The following COL1A2 variants were observed in gnomAD, a reference collection of about 807,000 sequenced individuals.
The protein encoded by COL1A2 is collagen type I alpha 2 chain, also known as collagen alpha-2(I) chain.
Under a neutral mutation model 174.3 loss-of-function variants are expected in COL1A2, and 49 were observed. The observed-to-expected ratio is 0.28, with a 90% CI of 0.22 to 0.36. The LOEUF (loss-of-function observed/expected upper bound fraction) is 0.36, where lower values mean the gene tolerates loss of function less well. COL1A2 is among the 10% of genes least tolerant of loss of function. The probability of loss-of-function intolerance (pLI) is 1.00; values close to 1 mark genes in which losing one functional copy is unlikely to be tolerated. For missense variants in COL1A2, 1,438 were observed against 1,822.7 expected, an observed-to-expected ratio of 0.79 and a Z score of 3.84; for synonymous variants, 655 against 606.6, an observed-to-expected ratio of 1.08 and a Z score of -1.17.
At chr7:94,412,828 AG>A (rs1453683204) in intron 25 of COL1A2, 146 bp downstream of exon 25, 3 of 804,228 alleles carry the variant, frequency 3.7e-6, no homozygotes, top group Admixed American at 2.0e-5. Context: ...TCACATTAAA[AG>A]TTTACCTCTA....
chr7:94,395,685 C>T (rs1007014168), intron 1 of COL1A2: 2 of 179,692 alleles, frequency 1.1e-5, no homozygotes, highest in African/African-American at 4.8e-5. Flanking sequence ...GATGGAATCC[C>T]AATTAAAGCT....
intron 51 of COL1A2, 148 bp downstream of exon 51, chr7:94,429,578 TG>T: frequency 1.4e-6 from 1 of 730,506 alleles, no homozygotes; most frequent in Non-Finnish European, 2.2e-6. Flanking sequence ...ATTCAGTTTT[TG>T]TATGTATTTT....
At chr7:94,430,145 T>C in intron 51 of COL1A2, 102 bp from the exon 52 acceptor site, 1 of 1,180,568 alleles carries the variant, frequency 8.5e-7, no homozygotes, top group Non-Finnish European at 1.2e-6. Flanking sequence ...ATCTTCAGAA[T>C]GACACATGCC....
chr7:94,411,910 T>A (rs1234938342), intron 23 of COL1A2, among the ~76,000 whole-genome samples, 158 bp from the exon 24 acceptor site: 1 of 152,222 alleles, frequency 6.6e-6, no homozygotes, highest in Non-Finnish European at 1.5e-5. Context: ...AGAACTCTTT[T>A]CACACTTCCC....
chr7:94,421,164 A>G (rs1315669563), intron 38 of COL1A2, 102 bp downstream of exon 38: 2 of 1,193,520 alleles, frequency 1.7e-6, no homozygotes, highest in East Asian at 4.7e-5. Context: ...TACCATGAGG[A>G]AACTTTTGAG....
In COL1A2 at chr7:94,424,560, A is replaced by G. The variant is rs1035058907; in HGVS notation, c.2673+117A>G. 23 of 902,328 alleles carry G rather than the reference A, an allele frequency of 2.5e-5. No individual in the cohort carries two copies. The African/African-American group carries it at 3.5e-4, about 14-fold the overall frequency. 55.9% of individuals were successfully genotyped at this position (902,328 alleles called of 1,614,324 possible). ...TTCACTTAAGATTTTTATTCATGGC[A>G]TTTTCTTTATACAGATCACATGTCA... On this transcript the variant is annotated intron_variant, in intron 41 of 51. Coordinates refer to ENST00000297268, the MANE Select transcript of COL1A2 (RefSeq NM_000089.4).
chr7:94,408,038 C>A, intron 13 of COL1A2, 145 bp from the exon 14 acceptor site: 1 of 1,162,742 alleles, frequency 8.6e-7, no homozygotes, highest in Non-Finnish European at 1.3e-6. Flanking sequence ...AATTGAAATC[C>A]ACTACTGTTT....
intron 10 of COL1A2, 29 bp from the exon 11 acceptor site, chr7:94,405,644 A>T (rs372982791): frequency 4.5e-6 from 7 of 1,571,936 alleles, no homozygotes; most frequent in Non-Finnish European, 6.1e-6. Context: ...GTAAAACATT[A>T]TTCACCATCT....
At chr7:94,414,111 T>G in intron 28 of COL1A2, 111 bp from the exon 29 acceptor site, 2 of 1,324,216 alleles carry the variant, frequency 1.5e-6, no homozygotes, top group Non-Finnish European at 2.2e-6. Flanking sequence ...CTTAATAACA[T>G]ACAATCGTGC....
chr7:94,413,927 C>T lies in COL1A2; in HGVS notation c.1645C>T (p.Pro549Ser), dbSNP rs42524. The change falls in exon 28 of 52, where the codon CCT becomes TCT. Residue 549 changes from proline to serine, a missense_variant. Physicochemically the swap from Pro to Ser is moderately conservative, Grantham distance 74. Transcript: ENST00000297268. The part of the protein sequence containing the change: ...VQGGKGEQGP[P>S]GPPGFQGLPG... ...AGGTGGAAAAGGTGAACAGGGTCCC[C>T]CTGGTCCTCCAGGCTTCCAGGTAAG... 15 of 1,613,736 alleles carry T rather than the reference C, an allele frequency of 9.3e-6. No homozygotes were observed. In the East Asian group the frequency reaches 1.3e-4, roughly 14 times the overall value.
In COL1A2 at chr7:94,425,617, C is replaced by A. The variant is rs1183633651; in HGVS notation, c.2789C>A (p.Pro930His). The change falls in exon 43 of 52, where the codon CCT (proline) becomes CAT (histidine). Residue 930 changes from proline (P) to histidine (H), a missense_variant. Around this residue, in one of 3 missense-constraint regions of COL1A2, gnomAD observed 867 missense variants for 1,213.7 expected, o/e 0.71. Coordinates refer to ENST00000297268, the MANE Select transcript of COL1A2 (RefSeq NM_000089.4). ...APGEAGRDGNPGNDGPPGRDG... is the reference protein window; with the variant it reads ...APGEAGRDGNHGNDGPPGRDG... ...TGTGTGGTGTCTTCACAGGGCAACC[C>A]TGGGAACGATGGTCCCCCAGGTCGC... 1 of 1,614,064 alleles carries A rather than the reference C, an allele frequency of 6.2e-7. No individual in the cohort carries two copies.
At chr7:94,430,089 C>T in intron 51 of COL1A2, 158 bp from the exon 52 acceptor site, 2 of 759,094 alleles carry the variant, frequency 2.6e-6, no homozygotes, top group South Asian at 1.6e-5. Flanking sequence ...TAAAGACACC[C>T]TTGATACTGT....
At chr7:94,417,444 A>G (rs76506699) in intron 31 of COL1A2, 246 of 458,892 alleles carry the variant, frequency 5.4e-4, no homozygotes, top group African/African-American at 3.3e-3. Context: ...CCATTGTCCT[A>G]TCCTCTTCTC....
intron 6 of COL1A2, among the ~76,000 whole-genome samples, chr7:94,402,192 A>G (rs1211078800): frequency 6.6e-6 from 1 of 152,138 alleles, no homozygotes; most frequent in African/African-American, 2.4e-5. Context: ...TGCTTACATC[A>G]TGGTTTATGT....
intron 50 of COL1A2, 23 bp downstream of exon 50, chr7:94,428,500 C>G: frequency 6.3e-7 from 1 of 1,596,292 alleles, no homozygotes; most frequent in South Asian, 1.1e-5. Flanking sequence ...ACAAACACCT[C>G]TCCTTCTGCT....
intron 4 of COL1A2, 75 bp downstream of exon 4, chr7:94,399,159 C>A: frequency 7.4e-7 from 1 of 1,353,398 alleles, no homozygotes; most frequent in Non-Finnish European, 1.1e-6. Context: ...CAGGAACTGG[C>A]AATTTATAAG....
Position 94,421,958 on chromosome 7 carries a change from TA to T in COL1A2, c.2403+9del. 6.2e-7 allele frequency: 1 copy of T among 1,613,806 alleles called. No homozygotes were observed. ...CTGGTCCCCCAGGACCCTCTGTAAG[TA>T]AATCACTGTAAACGTGTCTTCATTT... On this transcript the variant is annotated splice_region_variant and intron_variant, in intron 39 of 51. Coordinates refer to ENST00000297268, the MANE Select transcript of COL1A2 (RefSeq NM_000089.4).
chr7:94,408,840 C>T lies in COL1A2; in HGVS notation c.792+17C>T. 6.2e-7 allele frequency: 1 copy of T among 1,612,054 alleles called. No individual in the cohort carries two copies. On this transcript the variant is annotated intron_variant, in intron 16 of 51. Coordinates refer to ENST00000297268, the MANE Select transcript of COL1A2 (RefSeq NM_000089.4). ...GGCCCCAAGGTAAAAACACTGGTGA[C>T]CATTGTCACTACTTTGATAAACTTT... is the stretch of plus-strand genomic sequence containing the variant.
At chr7:94,429,946 G>T (rs551206217) in intron 51 of COL1A2, 318 of 426,648 alleles carry the variant, frequency 7.5e-4, no homozygotes, top group Admixed American at 1.4e-3. Flanking sequence ...ACACATAGAG[G>T]GACATACACA....
Sources: allele counts gnomAD v4.1 joint callset (sites outside exome capture counted in the v4.1 genomes callset), GRCh38; gene constraint gnomAD v4.1.1; regional missense constraint gnomAD v4.1.1; transcripts MANE v1.5; gene names NCBI Gene and HGNC (gene_info 2026-07-23, HGNC 2026-07-21).